MALRD1: variants seen among roughly 807,000 people sequenced by gnomAD.
MALRD1 encodes MAM and LDL-receptor class A domain-containing protein 1.
Under a neutral mutation model 242.1 loss-of-function variants are expected in MALRD1, and 247 were observed. The observed-to-expected ratio is 1.02, with a 90% confidence interval of 0.92 to 1.13. The LOEUF (loss-of-function observed/expected upper bound fraction) is 1.13, where lower values mean the gene tolerates loss of function less well. MALRD1 is among the 50% of genes most tolerant of loss of function. The probability of loss-of-function intolerance (pLI) is 0.00; values close to 1 mark genes in which losing one functional copy is unlikely to be tolerated. For synonymous variants in MALRD1, 995 were observed against 866.6 expected, an observed-to-expected ratio of 1.15 and a Z score of -2.60; for missense variants, 2,989 against 2,533.1, an observed-to-expected ratio of 1.18 and a Z score of -3.86.
chr10:19,133,970 T>A (rs976251191), intron 9 of MALRD1, 22 bp downstream of exon 9: 4 of 1,076,738 alleles, frequency 3.7e-6, no homozygotes, highest in Non-Finnish European at 3.5e-6. Context: ...AAAAAAAAAG[T>A]ATTTTTTTAT....
chr10:19,104,011 T>A lies in MALRD1; in HGVS notation c.630T>A (p.Tyr210Ter). Residue 210 changes from tyrosine (Y) to a stop codon, truncating the protein, a stop_gained, in exon 5 of 40, where the codon TAT becomes TAA. Coordinates refer to ENST00000454679, the MANE Select transcript of MALRD1 (RefSeq NM_001142308.3). LOFTEE classifies it high-confidence loss of function. Reference protein sequence around the residue: ...VVFEGQMASTYEQDEVIAIDD... With the variant: ...VVFEGQMAST Reference sequence around the variant, plus strand: ...TTGAAGGTCAAATGGCTTCAACGTATGAACAGGATGAAGTCATTGCTATTG... The same window carrying A: ...TTGAAGGTCAAATGGCTTCAACGTAAGAACAGGATGAAGTCATTGCTATTG... 8.1e-7 allele frequency: 1 copy of A among 1,233,880 alleles called. No homozygotes were observed. Among genetic ancestry groups the A allele is most frequent in the Non-Finnish European group, 1.0e-6 (1 of 988,118 alleles). 76.4% of individuals were successfully genotyped at this position (1,233,880 alleles called of 1,614,324 possible). A position where few individuals can be genotyped will look rare whatever the true frequency, so the allele number is the denominator to read the frequency against.
intron 29 of MALRD1, among the ~76,000 whole-genome samples, chr10:19,485,658 A>AG (rs1024802545): frequency 2.6e-5 from 4 of 151,314 alleles, no homozygotes; most frequent in African/African-American, 9.7e-5. Context: ...AAAAAAAAAA[A>AG]ATAGTAATAA....
chr10:19,224,234 G>T (rs1268231137), intron 18 of MALRD1, among the ~76,000 whole-genome samples: 1 of 150,810 alleles, frequency 6.6e-6, no homozygotes, highest in African/African-American at 2.4e-5. Flanking sequence ...TTTAATGATT[G>T]CCATTCTAAC....
At chr10:19,306,230 T>C (rs1242664735) in intron 21 of MALRD1, among the ~76,000 whole-genome samples, 1 of 104,120 alleles carries the variant, frequency 9.6e-6, no homozygotes, top group Non-Finnish European at 2.1e-5. Context: ...ATACTATATA[T>C]ACTATACTAT....
At chr10:19,653,231 C>T (rs956583915) in intron 36 of MALRD1, among the ~76,000 whole-genome samples, 32 of 151,872 alleles carry the variant, frequency 2.1e-4, no homozygotes, top group African/African-American at 7.3e-4. Flanking sequence ...GAGTTTCACT[C>T]TGTCACCCAG....
chr10:19,611,984 A>G (rs1314251419), intron 35 of MALRD1, among the ~76,000 whole-genome samples: 1 of 152,028 alleles, frequency 6.6e-6, no homozygotes, highest in Non-Finnish European at 1.5e-5. Flanking sequence ...GATGTAAAGC[A>G]AGCTTATGTT....
chr10:19,535,415 AT>A (rs1300429593), intron 32 of MALRD1, among the ~76,000 whole-genome samples: 11 of 151,772 alleles, frequency 7.2e-5, no homozygotes, highest in Admixed American at 3.9e-4. Context: ...AAAAAATCAG[AT>A]TTTGTGTGAA....
chr10:19,354,433 T>G (rs533059832), intron 26 of MALRD1, among the ~76,000 whole-genome samples: 1 of 152,208 alleles, frequency 6.6e-6, no homozygotes, highest in East Asian at 1.9e-4. Context: ...GGAGAAATAT[T>G]TAAACATTAT....
chr10:19,479,512 A>G (rs1836891953), intron 29 of MALRD1, among the ~76,000 whole-genome samples: 1 of 152,216 alleles, frequency 6.6e-6, no homozygotes, highest in East Asian at 1.9e-4. Flanking sequence ...GGTAAGTGAC[A>G]TAAGAATTGT....
At chr10:19,474,642 T>C (rs1836647226) in intron 29 of MALRD1, among the ~76,000 whole-genome samples, 1 of 152,026 alleles carries the variant, frequency 6.6e-6, no homozygotes, top group African/African-American at 2.4e-5. Context: ...TTTATAACTT[T>C]ATTTAGAAAG....
intron 36 of MALRD1, among the ~76,000 whole-genome samples, chr10:19,629,382 G>A (rs1438530857): frequency 6.6e-6 from 1 of 152,134 alleles, no homozygotes; most frequent in Non-Finnish European, 1.5e-5. Context: ...TCTGTCCTCC[G>A]AGAGGAGTGG....
At chr10:19,108,192 T>C (rs8181341) in intron 5 of MALRD1, among the ~76,000 whole-genome samples, 82,660 of 151,748 alleles carry the variant, frequency 0.54, 22,650 homozygotes, top group Middle Eastern at 0.6. Flanking sequence ...TTTTCATTCT[T>C]TCTTCTTTTT....
At position 19,229,940 on chromosome 10, in the gene MALRD1, A is replaced by G. The variant is rs76139910; in HGVS notation, c.2991+20260A>G. Among the ~76,000 whole-genome samples the G allele has an allele frequency of 4.4e-3, 675 of 152,096 alleles. 7 individuals are homozygous for G. The highest frequency in any genetic ancestry group is 0.016 in the African/African-American group (643 of 41,472). Reference sequence around the variant, plus strand: ...TTGCACTATAGCTCCCATAATTCACATGTTGTGGGAGGGACCTCGTGAGAG... The same window carrying G: ...TTGCACTATAGCTCCCATAATTCACGTGTTGTGGGAGGGACCTCGTGAGAG... On this transcript the variant is annotated intron_variant, in intron 18 of 39. Coordinates refer to ENST00000454679, the MANE Select transcript of MALRD1 (RefSeq NM_001142308.3).
At chr10:19,439,343 C>A (rs1537348) in intron 28 of MALRD1, among the ~76,000 whole-genome samples, 108,376 of 151,668 alleles carry the variant, frequency 0.71, 38,837 homozygotes, top group Non-Finnish European at 0.75. Flanking sequence ...CCAGCCTGGG[C>A]AACATAGTAA....
intron 21 of MALRD1, among the ~76,000 whole-genome samples, chr10:19,294,499 A>G (rs1449293643): frequency 6.6e-6 from 1 of 152,196 alleles, no homozygotes; most frequent in African/African-American, 2.4e-5. Flanking sequence ...TAGGCATACC[A>G]TTTATCCTTA....
chr10:19,279,835 C>G (rs1840715477), intron 19 of MALRD1, among the ~76,000 whole-genome samples: 1 of 152,172 alleles, frequency 6.6e-6, no homozygotes, highest in African/African-American at 2.4e-5. Flanking sequence ...TCCATCTGTA[C>G]CATCATCATT....
chr10:19,213,374 C>T lies in MALRD1; in HGVS notation c.2991+3694C>T, dbSNP rs183679432. ...TCAGCCTACCATGTAGCTGGGACTA[C>T]AGCCGCATGCTACTATGCCCCGCTA... On this transcript the variant is annotated intron_variant, in intron 18 of 39. Transcript: ENST00000454679. 4.2e-3 allele frequency among the ~76,000 whole-genome samples: 633 copies of T among 152,288 alleles called. 7 individuals carry two copies. The highest frequency in any genetic ancestry group is 0.014 in the African/African-American group (591 of 41,568).
chr10:19,584,172 C>T lies in MALRD1; in HGVS notation c.5681-11022C>T, dbSNP rs1360164965. ...CAATTTTGTTGATCCTTTCAAAAAA[C>T]CAGCTCCTGGATTCATTGATTTTTT... is the stretch of plus-strand genomic sequence containing the variant. On this transcript the variant is annotated intron_variant, in intron 33 of 39. Coordinates refer to ENST00000454679, the MANE Select transcript of MALRD1 (RefSeq NM_001142308.3). 2.9e-3 allele frequency among the ~76,000 whole-genome samples: 439 copies of T among 151,746 alleles called. 4 individuals are homozygous for T. The highest frequency in any genetic ancestry group is 0.01 in the African/African-American group (417 of 41,392).
Position 19,283,086 on chromosome 10 carries a change from G to A in MALRD1, c.3324G>A (p.Leu1108=), listed in dbSNP as rs957014597. The change falls in exon 21 of 40, where the codon TTG becomes TTA. Residue 1108 remains leucine (L), a synonymous_variant. Transcript: ENST00000454679. ...CKWYQPIPVH[L]LQDSNTFRWG... ...GGTATCAACCAATCCCAGTACATTTGCTTCAAGATTCAAACACATTCAGGT... is the reference window on the plus strand; with the variant it reads ...GGTATCAACCAATCCCAGTACATTTACTTCAAGATTCAAACACATTCAGGT... 27 of 1,550,022 alleles carry A rather than the reference G, an allele frequency of 1.7e-5. No homozygotes were observed. The highest frequency in any genetic ancestry group is 8.2e-5 in the African/African-American group (6 of 73,014).
Sources: gnomAD v4.1 joint callset for allele counts (sites outside exome capture counted in the v4.1 genomes callset) on GRCh38, gnomAD v4.1.1 for gene constraint, MANE v1.5 for transcripts, NCBI Gene and HGNC (gene_info 2026-07-23, HGNC 2026-07-21) for gene names.